Variants in RANBP17 observed in about 807,000 individuals in gnomAD.
RANBP17 encodes the protein ran-binding protein 17.
Under a neutral mutation model 141.2 loss-of-function variants are expected in RANBP17, and 158 were observed. That is an observed-to-expected ratio of 1.12 (90% CI 0.98 to 1.28). The LOEUF (loss-of-function observed/expected upper bound fraction) is 1.28, where lower values mean the gene tolerates loss of function less well. Ranked by LOEUF, RANBP17 falls within the 50% of genes most tolerant of loss-of-function variation. RANBP17 has a pLI of 0.00. For synonymous variants in RANBP17, 430 were observed against 450.0 expected (o/e 0.96, Z 0.56); for missense variants, 1,438 against 1,290.7 (o/e 1.11, Z -1.75).
At chr5:171,288,842 T>C (rs1319559163) in intron 25 of RANBP17, among the ~76,000 whole-genome samples, 3 of 152,188 alleles carry the variant, frequency 2.0e-5, no homozygotes, top group Non-Finnish European at 4.4e-5. Context: ...CTTTGCAACC[T>C]GCAAGCCCCT....
chr5:170,996,462 C>G (rs1778822202), intron 14 of RANBP17, among the ~76,000 whole-genome samples: 1 of 152,104 alleles, frequency 6.6e-6, no homozygotes. Flanking sequence ...TTTATCCGTA[C>G]TGTGTAAAAT....
chr5:171,111,660 G>T (rs1412495462), intron 14 of RANBP17, among the ~76,000 whole-genome samples: 2 of 152,112 alleles, frequency 1.3e-5, no homozygotes, highest in African/African-American at 2.4e-5. Flanking sequence ...TGAATTATTT[G>T]TAACTCTTTG....
rs529777336 is a variant in RANBP17 at position 171,102,861 on chromosome 5, C to T, written c.1711-67269C>T. Among the ~76,000 whole-genome samples the T allele has an allele frequency of 7.9e-5, 12 of 152,262 alleles. 1 individual carries two copies. The highest frequency in any genetic ancestry group is 2.9e-4 in the African/African-American group (12 of 41,546). On this transcript the variant is annotated intron_variant, in intron 14 of 27. Coordinates refer to ENST00000523189, the MANE Select transcript of RANBP17 (RefSeq NM_022897.5). ...TCCTTCTAACAGTCAGACCCCTCTG[C>T]TGCAGGTCTGCTGGAGTTTGCTGGG...
Position 170,917,714 on chromosome 5 carries a change from TG to T in RANBP17, c.955-998del, listed in dbSNP as rs201893781. Among the ~76,000 whole-genome samples the T allele has an allele frequency of 6.1e-3, 928 of 152,304 alleles. 8 individuals carry two copies. Among genetic ancestry groups the T allele is most frequent in the African/African-American group, 0.021 (886 of 41,580 alleles). ...AGGATTTTACCAATATACTTTAAAA[TG>T]TTTAGTTGTTTAACTCACTATCATC... is the stretch of plus-strand genomic sequence containing the variant. On this transcript the variant is annotated intron_variant, in intron 9 of 27. Coordinates refer to ENST00000523189, the MANE Select transcript of RANBP17 (RefSeq NM_022897.5).
At chr5:171,268,686 C>T (rs1664129220) in intron 25 of RANBP17, among the ~76,000 whole-genome samples, 1 of 151,960 alleles carries the variant, frequency 6.6e-6, no homozygotes, top group South Asian at 2.1e-4. Context: ...CATGGATTGG[C>T]TAGGAATCAG....
At chr5:171,177,384 C>T (rs7721688) in intron 16 of RANBP17, among the ~76,000 whole-genome samples, 13,925 of 152,150 alleles carry the variant, frequency 0.092, 1,031 homozygotes, top group African/African-American at 0.2. Flanking sequence ...TCTCTTCCAC[C>T]TGCTTCTTAG....
chr5:171,151,503 T>G (rs927896265), intron 14 of RANBP17, among the ~76,000 whole-genome samples: 45 of 152,166 alleles, frequency 3.0e-4, no homozygotes, highest in African/African-American at 1.1e-3. Context: ...TCCCAAGCAA[T>G]GGCACAAATT....
intron 20 of RANBP17, among the ~76,000 whole-genome samples, chr5:171,212,237 A>C (rs1762939290): frequency 6.6e-6 from 1 of 152,182 alleles, no homozygotes; most frequent in African/African-American, 2.4e-5. Flanking sequence ...TTAGAAATGC[A>C]CTATCTAATG....
intron 23 of RANBP17, among the ~76,000 whole-genome samples, chr5:171,242,114 A>T (rs537806575): frequency 6.6e-6 from 1 of 151,844 alleles, no homozygotes; most frequent in Non-Finnish European, 1.5e-5. Flanking sequence ...ATGAACCTCC[A>T]TGCCCAGCTT....
In RANBP17 at chr5:171,155,094, A is replaced by AATAT. The variant is rs1554106866; in HGVS notation, c.1711-15013_1711-15010dup. On this transcript the variant is annotated intron_variant, in intron 14 of 27. Coordinates refer to ENST00000523189, the MANE Select transcript of RANBP17 (RefSeq NM_022897.5). ...CTCCATCTAGAAAAAAAAAAAAAAA[A>AATAT]ATATATATATATATATATATATATA... Among the ~76,000 whole-genome samples the AATAT allele has an allele frequency of 9.0e-3, 675 of 74,870 alleles. 8 individuals carry two copies. The highest frequency in any genetic ancestry group is 0.02 in the Middle Eastern group (2 of 98). The allele number at this position is 74,870 out of a possible 152,430, so 49.1% of individuals were successfully genotyped here.
intron 25 of RANBP17, among the ~76,000 whole-genome samples, chr5:171,267,456 C>T (rs1388677262): frequency 6.6e-6 from 1 of 152,008 alleles, no homozygotes; most frequent in South Asian, 2.1e-4. Context: ...CAAATGTAAA[C>T]ACATCAATAG....
At chr5:171,155,299 A>G (rs2127843241) in intron 14 of RANBP17, among the ~76,000 whole-genome samples, 1 of 151,812 alleles carries the variant, frequency 6.6e-6, no homozygotes, top group East Asian at 1.9e-4. Flanking sequence ...AAATTTTATG[A>G]ATGAGATGTA....
chr5:171,019,268 G>A (rs1780673680), intron 14 of RANBP17, among the ~76,000 whole-genome samples: 1 of 152,128 alleles, frequency 6.6e-6, no homozygotes, highest in South Asian at 2.1e-4. Flanking sequence ...GGTGCTGGCT[G>A]TATAAAATAA....
At chr5:171,031,477 T>G (rs866431728) in intron 14 of RANBP17, among the ~76,000 whole-genome samples, 1 of 152,074 alleles carries the variant, frequency 6.6e-6, no homozygotes, top group African/African-American at 2.4e-5. Flanking sequence ...GTTTGGAATA[T>G]AGCATAGCCT....
intron 19 of RANBP17, among the ~76,000 whole-genome samples, chr5:171,200,986 G>A (rs992787408): frequency 6.6e-6 from 1 of 152,202 alleles, no homozygotes; most frequent in African/African-American, 2.4e-5. Context: ...TATTTTCAGT[G>A]ACCAACAAAA....
chr5:171,138,267 G>A (rs1581714752), intron 14 of RANBP17, among the ~76,000 whole-genome samples: 2 of 152,100 alleles, frequency 1.3e-5, no homozygotes, highest in Admixed American at 6.5e-5. Flanking sequence ...CCAGAGAACT[G>A]AAGTGGAAAG....
intron 14 of RANBP17, among the ~76,000 whole-genome samples, chr5:171,018,346 G>A (rs1178145106): frequency 1.3e-5 from 2 of 152,144 alleles, no homozygotes; most frequent in Non-Finnish European, 2.9e-5. Context: ...ATTACTTTGA[G>A]CAGTATGGCC....
intron 11 of RANBP17, 140 bp downstream of exon 11, chr5:170,919,753 C>A: frequency 1.7e-6 from 1 of 576,102 alleles, no homozygotes; most frequent in Non-Finnish European, 2.9e-6. Flanking sequence ...GTATAACTAC[C>A]ATCACAATTG....
chr5:170,863,093 G>C (rs1185317048), intron 1 of RANBP17, among the ~76,000 whole-genome samples: 4 of 152,124 alleles, frequency 2.6e-5, no homozygotes, highest in Non-Finnish European at 5.9e-5. Flanking sequence ...ACAAAACTAT[G>C]GTTTCTACTC....
Sources: gnomAD v4.1 joint callset for allele counts (sites outside exome capture counted in the v4.1 genomes callset) on GRCh38, gnomAD v4.1.1 for gene constraint, MANE v1.5 for transcripts, NCBI Gene and HGNC (gene_info 2026-07-23, HGNC 2026-07-21) for gene names.